TAOK2: variants seen among roughly 807,000 people sequenced by gnomAD.
TAOK2 encodes serine/threonine-protein kinase TAO2.
Under a neutral mutation model 122.5 loss-of-function variants are expected in TAOK2, and 42 were observed. That is an observed-to-expected ratio of 0.34 (90% CI 0.27 to 0.44). The LOEUF is 0.44. Among genes scored for constraint, TAOK2 ranks in the 20% least tolerant of loss-of-function variants. TAOK2 has a pLI of 1.00. For missense variants in TAOK2, 1,264 were observed against 1,644.9 expected, an observed-to-expected ratio of 0.77 and a Z score of 4.01; for synonymous variants, 704 against 677.6, an observed-to-expected ratio of 1.04 and a Z score of -0.61.
Position 29,977,757 on chromosome 16 carries a change from G to A in TAOK2, c.-16G>A, listed in dbSNP as rs1567238008. The A allele has an allele frequency of 6.2e-7, 1 of 1,613,544 alleles. No homozygotes were observed. The highest frequency in any genetic ancestry group is 1.3e-5 in the African/African-American group (1 of 74,972). On this transcript the variant is annotated 5_prime_UTR_variant, in exon 2 of 16. Transcript: ENST00000308893. ...CCTCAGGCCAGGCCCCACTCTCAGG[G>A]CCCCCAGGGGCCACCATGCCAGCTG... is the stretch of plus-strand genomic sequence containing the variant.
intron 10 of TAOK2, 47 bp from the exon 11 acceptor site, chr16:29,982,687 G>C (rs567032240): frequency 9.5e-6 from 15 of 1,585,780 alleles, no homozygotes; most frequent in East Asian, 2.2e-5. Flanking sequence ...TGTGGGTTGT[G>C]GGGGGAAGGG....
chr16:29,977,318 C>T (rs1329252625), intron 1 of TAOK2, among the ~76,000 whole-genome samples: 2 of 152,104 alleles, frequency 1.3e-5, no homozygotes, highest in East Asian at 1.9e-4. Flanking sequence ...GGGGCCTCAG[C>T]GCCAAGGGGA....
At chr16:29,991,403 C>CCTG, downstream of TAOK2, 2 of 1,549,410 alleles carry the variant, frequency 1.3e-6, no homozygotes, top group Non-Finnish European at 8.7e-7. The surrounding 1 kb of genome is among the most constrained non-coding windows in gnomAD (Gnocchi z 5.6). Context: ...GTGGCGGAGC[C>CCTG]CTGCTGCTGC....
intron 13 of TAOK2, among the ~76,000 whole-genome samples, chr16:29,984,181 C>A (rs921411221): frequency 6.6e-6 from 1 of 152,196 alleles, no homozygotes; most frequent in Non-Finnish European, 1.5e-5. Context: ...AGCTCTCAGG[C>A]TTACACACAG....
Position 29,978,789 on chromosome 16 carries a change from T to C in TAOK2, c.307-10T>C. The stretch of plus-strand genomic sequence containing the variant: ...GAGACTCTGATCTCTGACCCTTGTC[T>C]CTTCCTTAGCTGGTAATGGAGTATT... On this transcript the variant is annotated splice_polypyrimidine_tract_variant and intron_variant, in intron 4 of 15. Coordinates refer to ENST00000308893, the MANE Select transcript of TAOK2 (RefSeq NM_016151.4). 6.2e-7 allele frequency: 1 copy of C among 1,614,100 alleles called. No individual in the cohort carries two copies. Among genetic ancestry groups the C allele is most frequent in the East Asian group, 2.2e-5 (1 of 44,870 alleles).
rs1329983308 is a variant in TAOK2 at position 29,979,603 on chromosome 16, C to T, written c.655+95C>T. 3 of 1,041,584 alleles carry T rather than the reference C, an allele frequency of 2.9e-6. No individual in the cohort carries two copies. The highest frequency in any genetic ancestry group is 4.1e-6 in the Non-Finnish European group (3 of 740,518). 64.5% of individuals were successfully genotyped at this position (1,041,584 alleles called of 1,614,324 possible). A position where few individuals can be genotyped will look rare whatever the true frequency, so the allele number is the denominator to read the frequency against. On this transcript the variant is annotated intron_variant, in intron 8 of 15. Coordinates refer to ENST00000308893, the MANE Select transcript of TAOK2 (RefSeq NM_016151.4). This position sits in a 1 kb window ranked among gnomAD's most constrained non-coding sequence, Gnocchi z 4.1. ...ACCCCCTTCTCCTAGGGATGGGATC[C>T]CAGGCCTCCAAGTTCCTGTCCGTTG...
intron 8 of TAOK2, chr16:29,981,407 C>G (rs1043370613): frequency 5.0e-6 from 3 of 604,186 alleles, no homozygotes; most frequent in African/African-American, 3.7e-5. Context: ...GGCTGTCCTT[C>G]TGCCTTCGTT....
chr16:29,988,478 G>C (rs970459205), downstream of TAOK2: 2 of 1,218,402 alleles, frequency 1.6e-6, no homozygotes, highest in Non-Finnish European at 2.1e-6. Context: ...CCCTCGGCCC[G>C]GCTCCATGAC....
In TAOK2 at chr16:29,973,936, G is replaced by A. The variant is rs555248244; in HGVS notation, c.-748G>A. On this transcript the variant is annotated 5_prime_UTR_variant, in exon 1 of 16. Coordinates refer to ENST00000308893, the MANE Select transcript of TAOK2 (RefSeq NM_016151.4). ...CGAGACCGGGGCTGTGGTGCGGAGA[G>A]AGGCTGAGACGGAGAAGAGGAGAGG... is the stretch of plus-strand genomic sequence containing the variant. 1 of 152,854 alleles carries A rather than the reference G, an allele frequency of 6.5e-6. No individual in the cohort carries two copies. The highest frequency in any genetic ancestry group is 6.5e-5 in the Admixed American group (1 of 15,300). The allele number at this position is 152,854 out of a possible 1,614,324, so 9.5% of individuals were successfully genotyped here. A position where few individuals can be genotyped will look rare whatever the true frequency, so the allele number is the denominator to read the frequency against.
Position 29,983,572 on chromosome 16 carries a change from G to T in TAOK2, c.1330G>T (p.Ala444Ser), listed in dbSNP as rs756928555. The T allele has an allele frequency of 6.8e-6, 11 of 1,613,940 alleles. No individual in the cohort carries two copies. The South Asian group carries it at 1.1e-4, about 16-fold the overall frequency. Residue 444 changes from alanine to serine, a missense_variant, in exon 13 of 16, where the codon GCC becomes TCC. This residue lies in a region of TAOK2 where 122 missense variants were observed against 116.7 expected (regional missense o/e 1.04). Coordinates refer to ENST00000308893, the MANE Select transcript of TAOK2 (RefSeq NM_016151.4). ...CCCCAGCCCTCTCCAGCCGCCTGCA[G>T]CCCCAGCTCCCACTTCCACCACCTC... ...ITPSPLQPPAAPAPTSTTSSA... is the reference protein window; with the variant it reads ...ITPSPLQPPASPAPTSTTSSA...
rs780869753 is a variant in TAOK2 at position 29,985,830 on chromosome 16, G to A, written c.1961G>A (p.Arg654Gln). The change falls in exon 15 of 16, where the codon CGG (arginine) becomes CAG (glutamine). Residue 654 changes from arginine to glutamine, a missense_variant. Transcript: ENST00000308893. This position sits in a 1 kb window ranked among gnomAD's most constrained non-coding sequence, Gnocchi z 6.9. ...RQYKRKMLLARHSLDQDLLRE... is the reference protein window; with the variant it reads ...RQYKRKMLLAQHSLDQDLLRE... ...TACAAGCGCAAGATGTTGCTGGCTC[G>A]GCACAGCCTGGACCAGGACCTGCTG... 38 of 1,611,586 alleles carry A rather than the reference G, an allele frequency of 2.4e-5. No individual in the cohort carries two copies. The highest frequency in any genetic ancestry group is 5.0e-5 in the Admixed American group (3 of 59,958).
downstream of TAOK2, chr16:29,990,320 T>C (rs1385693335): frequency 1.9e-5 from 3 of 160,488 alleles, no homozygotes; most frequent in African/African-American, 4.8e-5. Flanking sequence ...ATTAACTGTA[T>C]TTTGTGTTTT....
rs769867433 is a variant in TAOK2 at position 29,986,267 on chromosome 16, C to T, written c.1995C>T (p.Asp665=). The T allele has an allele frequency of 6.6e-7, 1 of 1,513,982 alleles. No individual in the cohort carries two copies. The highest frequency in any genetic ancestry group is 2.3e-5 in the East Asian group (1 of 43,262). The allele number at this position is 1,513,982 out of a possible 1,614,324, so 93.8% of individuals were successfully genotyped here. A position where few individuals can be genotyped will look rare whatever the true frequency, so the allele number is the denominator to read the frequency against. Reference sequence around the variant, plus strand: ...GCCCTGCATTTCTTCTGCCTCAGGACCTGAACAAGAAGCAGACCCAGAAGG... The same window carrying T: ...GCCCTGCATTTCTTCTGCCTCAGGATCTGAACAAGAAGCAGACCCAGAAGG... The part of the protein sequence containing the change: ...HSLDQDLLRE[D]LNKKQTQKDL... Residue 665 remains aspartate, a splice_region_variant and synonymous_variant, in exon 16 of 16, where the codon GAC becomes GAT. Coordinates refer to ENST00000308893, the MANE Select transcript of TAOK2 (RefSeq NM_016151.4). This position sits in a 1 kb window ranked among gnomAD's most constrained non-coding sequence, Gnocchi z 4.2.
intron 11 of TAOK2, 76 bp from the exon 12 acceptor site, chr16:29,982,996 A>G: frequency 1.9e-6 from 3 of 1,604,372 alleles, no homozygotes; most frequent in Non-Finnish European, 2.6e-6. Flanking sequence ...TCACACCACC[A>G]TCTTCCCATG....
In TAOK2 at chr16:29,985,940, T is replaced by G. The variant is rs1234346627; in HGVS notation, c.1992+79T>G. 12 of 1,504,676 alleles carry G rather than the reference T, an allele frequency of 8.0e-6. No homozygotes were observed. Among genetic ancestry groups the G allele is most frequent in the Non-Finnish European group, 1.1e-5 (12 of 1,107,162 alleles). 93.2% of individuals were successfully genotyped at this position (1,504,676 alleles called of 1,614,324 possible). On this transcript the variant is annotated intron_variant, in intron 15 of 15. Transcript: ENST00000308893. This position sits in a 1 kb window ranked among gnomAD's most constrained non-coding sequence, Gnocchi z 6.9. ...CACCCTTTTCCATTTTCCTCATTCT[T>G]GTCTTCTTTCTCCTTGGCCCTCGAG...
intron 10 of TAOK2, 84 bp downstream of exon 10, chr16:29,982,024 G>T: frequency 8.5e-7 from 1 of 1,170,500 alleles, no homozygotes; most frequent in Non-Finnish European, 1.2e-6. Context: ...GTGGTTCCCA[G>T]TTCCTCCTCC....
downstream of TAOK2, chr16:29,990,561 C>T (rs1038786159): frequency 1.2e-4 from 46 of 387,470 alleles, no homozygotes; most frequent in Middle Eastern, 1.3e-3. Flanking sequence ...CAGTATTTTG[C>T]TATCACAACG....
chr16:29,984,399 C>T lies in TAOK2; in HGVS notation c.1422+735C>T, dbSNP rs549801515. On this transcript the variant is annotated intron_variant, in intron 13 of 15. Coordinates refer to ENST00000308893, the MANE Select transcript of TAOK2 (RefSeq NM_016151.4). ...AAAAGTGTTTAGGCTTTTCATAAAA[C>T]ATAGTTTTTCATCTATGTTTTTAGA... Among the ~76,000 whole-genome samples, 28 of 152,298 alleles carry T rather than the reference C, an allele frequency of 1.8e-4. No individual in the cohort carries two copies. In the East Asian group the frequency reaches 2.1e-3, roughly 12 times the overall value.
chr16:29,988,682 G>C (rs752375807), downstream of TAOK2: 10 of 985,386 alleles, frequency 1.0e-5, no homozygotes, highest in African/African-American at 1.7e-5. Flanking sequence ...CAGGCCCTTG[G>C]TCTCCTCATC....
Sources: allele counts gnomAD v4.1 joint callset (sites outside exome capture counted in the v4.1 genomes callset), GRCh38; gene constraint gnomAD v4.1.1; regional missense constraint gnomAD v4.1.1; non-coding constraint Gnocchi (gnomAD v3.1); transcripts MANE v1.5; gene names NCBI Gene and HGNC (gene_info 2026-07-23, HGNC 2026-07-21).